The following PTCHD4 variants were observed in gnomAD, a reference collection of about 807,000 sequenced individuals.
The protein encoded by PTCHD4 is patched domain-containing protein 4.
Under a neutral mutation model 58.1 loss-of-function variants are expected in PTCHD4, and 33 were observed. That is an observed-to-expected ratio of 0.57 (90% CI 0.43 to 0.76). The LOEUF is 0.76. Among genes scored for constraint, PTCHD4 ranks in the 30% least tolerant of loss-of-function variants. The pLI, the probability that PTCHD4 is intolerant of heterozygous loss-of-function variation, is 0.00. For missense variants in PTCHD4, 1,058 were observed against 1,027.1 expected, an observed-to-expected ratio of 1.03 and a Z score of -0.41; for synonymous variants, 478 against 409.6, an observed-to-expected ratio of 1.17 and a Z score of -2.02.
chr6:47,869,627 G>A lies in PTCHD4; in HGVS notation c.*8676C>T, dbSNP rs1352956310. ...TCTCTCAGGAATGCCAAGACATTTT[G>A]TATTTGCTTCAGAATGCTTTATCTT... On this transcript the variant is annotated 3_prime_UTR_variant, in exon 5 of 5. Transcript: ENST00000339488. 1.3e-5 allele frequency among the ~76,000 whole-genome samples: 2 copies of A among 151,544 alleles called. No homozygotes were observed. Among genetic ancestry groups the A allele is most frequent in the African/African-American group, 2.4e-5 (1 of 41,326 alleles).
At chr6:48,015,502 C>T (rs1307478685) in intron 3 of PTCHD4, among the ~76,000 whole-genome samples, 1 of 151,858 alleles carries the variant, frequency 6.6e-6, no homozygotes, top group Non-Finnish European at 1.5e-5. Flanking sequence ...TCTTCCTATT[C>T]CTTGAAGAAA....
rs763217561 is a variant in PTCHD4, at chr6:47,878,302, C to T, written c.*1G>A. ...AAAAATAATCCACTGGTCTATACCC[C>T]TCATACTGTGGTGACGTGATCCGGG... On this transcript the variant is annotated 3_prime_UTR_variant, in exon 5 of 5. Coordinates refer to ENST00000339488, the MANE Select transcript of PTCHD4 (RefSeq NM_001384253.1). The T allele has an allele frequency of 3.8e-6, 6 of 1,583,288 alleles. No individual in the cohort carries two copies. Among genetic ancestry groups the T allele is most frequent in the African/African-American group, 1.4e-5 (1 of 73,750 alleles).
In PTCHD4 at chr6:47,859,500, G is replaced by A. The variant is rs1226721569; in HGVS notation, c.*18803C>T. ...TAATATATTTGCAACTGAAACACTTGAAGCTTTCAAGGTCTACCTGAACTA... is the reference window on the plus strand; with the variant it reads ...TAATATATTTGCAACTGAAACACTTAAAGCTTTCAAGGTCTACCTGAACTA... On this transcript the variant is annotated 3_prime_UTR_variant, in exon 5 of 5. Transcript: ENST00000339488. Among the ~76,000 whole-genome samples the A allele has an allele frequency of 6.6e-6, 1 of 151,794 alleles. No homozygotes were observed. Among genetic ancestry groups the A allele is most frequent in the Non-Finnish European group, 1.5e-5 (1 of 67,932 alleles).
At chr6:48,063,078 T>A (rs1387854873) in intron 3 of PTCHD4, among the ~76,000 whole-genome samples, 1 of 151,872 alleles carries the variant, frequency 6.6e-6, no homozygotes, top group Non-Finnish European at 1.5e-5. Context: ...TCCCATAAAT[T>A]TTTTTTTTCA....
intron 1 of PTCHD4, among the ~76,000 whole-genome samples, chr6:48,090,633 G>T (rs1211390756): frequency 6.6e-6 from 1 of 152,156 alleles, no homozygotes; most frequent in African/African-American, 2.4e-5. Context: ...GAAAACCAGG[G>T]TATAAAGGGC....
intron 3 of PTCHD4, among the ~76,000 whole-genome samples, chr6:48,026,459 C>A (rs1011784452): frequency 1.3e-5 from 2 of 152,070 alleles, no homozygotes; most frequent in African/African-American, 2.4e-5. Flanking sequence ...GAGAGTCATT[C>A]TTCTATGTCC....
Position 47,877,572 on chromosome 6 carries a change from C to G in PTCHD4, c.*731G>C, listed in dbSNP as rs985559141. On this transcript the variant is annotated 3_prime_UTR_variant, in exon 5 of 5. Coordinates refer to ENST00000339488, the MANE Select transcript of PTCHD4 (RefSeq NM_001384253.1). ...TATGCATAATCTAATGAACTCACAT[C>G]TCTGTTTATTTTGCTCATCCCACAG... Among the ~76,000 whole-genome samples, 1 of 151,992 alleles carries G rather than the reference C, an allele frequency of 6.6e-6. No individual in the cohort carries two copies. Among genetic ancestry groups the G allele is most frequent in the Non-Finnish European group, 1.5e-5 (1 of 67,950 alleles).
At chr6:47,930,557 T>C (rs531127443) in intron 4 of PTCHD4, among the ~76,000 whole-genome samples, 2 of 152,224 alleles carry the variant, frequency 1.3e-5, no homozygotes, top group African/African-American at 4.8e-5. Context: ...TTTAGGAGAT[T>C]TACTTTCCAG....
chr6:48,066,342 T>C (rs1764796493), intron 3 of PTCHD4, among the ~76,000 whole-genome samples: 1 of 152,120 alleles, frequency 6.6e-6, no homozygotes, highest in Non-Finnish European at 1.5e-5. Flanking sequence ...CAGTGGCTGA[T>C]TGAACAAAAA....
In PTCHD4 at chr6:47,864,380, G is replaced by C. The variant is rs1210209714; in HGVS notation, c.*13923C>G. The stretch of plus-strand genomic sequence containing the variant: ...ACTAGTTTGCTTTGCTAAAATCCTT[G>C]ATGGGTAGTGGCTGCCTCTCATTTC... On this transcript the variant is annotated 3_prime_UTR_variant, in exon 5 of 5. Coordinates refer to ENST00000339488, the MANE Select transcript of PTCHD4 (RefSeq NM_001384253.1). 6.6e-6 allele frequency among the ~76,000 whole-genome samples: 1 copy of C among 151,760 alleles called. No homozygotes were observed. Among genetic ancestry groups the C allele is most frequent in the Non-Finnish European group, 1.5e-5 (1 of 67,868 alleles).
Position 48,069,233 on chromosome 6 carries a change from C to T in PTCHD4, c.-276G>A, listed in dbSNP as rs1764923796. Among the ~76,000 whole-genome samples, 1 of 149,986 alleles carries T rather than the reference C, an allele frequency of 6.7e-6. No homozygotes were observed. The highest frequency in any genetic ancestry group is 6.7e-5 in the Admixed American group (1 of 15,010). On this transcript the variant is annotated 5_prime_UTR_variant, in exon 2 of 5. Coordinates refer to ENST00000339488, the MANE Select transcript of PTCHD4 (RefSeq NM_001384253.1). ...TAAGCTTTTTTCTTTTTTTAAGATGCTGACAGTTATTTTTAGAGTTTTGTG... is the reference window on the plus strand; with the variant it reads ...TAAGCTTTTTTCTTTTTTTAAGATGTTGACAGTTATTTTTAGAGTTTTGTG...
chr6:48,095,850 G>A (rs182442064), intron 1 of PTCHD4, among the ~76,000 whole-genome samples: 16 of 152,098 alleles, frequency 1.1e-4, no homozygotes, highest in Admixed American at 7.2e-4. Flanking sequence ...GCTCTCTGAT[G>A]TCAGCTAGGG....
chr6:47,860,603 T>C lies in PTCHD4; in HGVS notation c.*17700A>G, dbSNP rs563995696. Among the ~76,000 whole-genome samples, 373 of 152,138 alleles carry C rather than the reference T, an allele frequency of 2.5e-3. 1 individual carries two copies. The highest frequency in any genetic ancestry group is 3.6e-3 in the Non-Finnish European group (245 of 67,952). On this transcript the variant is annotated 3_prime_UTR_variant, in exon 5 of 5. Transcript: ENST00000339488. ...TTTACATTAGCACTACTGCCCATTCTTCACAATGTCTATCTTCCTTTATGA... is the reference window on the plus strand; with the variant it reads ...TTTACATTAGCACTACTGCCCATTCCTCACAATGTCTATCTTCCTTTATGA...
At chr6:48,074,984 T>C (rs1008708207) in intron 1 of PTCHD4, among the ~76,000 whole-genome samples, 1 of 152,100 alleles carries the variant, frequency 6.6e-6, no homozygotes, top group African/African-American at 2.4e-5. Flanking sequence ...TTTATTTAAA[T>C]TATCTTTATT....
intron 4 of PTCHD4, among the ~76,000 whole-genome samples, chr6:47,991,348 A>G (rs186941586): frequency 6.6e-6 from 1 of 152,286 alleles, no homozygotes; most frequent in Admixed American, 6.5e-5. Flanking sequence ...CAATATAATA[A>G]AGGAATTTTG....
intron 3 of PTCHD4, among the ~76,000 whole-genome samples, chr6:48,026,492 T>C (rs1763250574): frequency 6.6e-6 from 1 of 152,084 alleles, no homozygotes; most frequent in South Asian, 2.1e-4. Flanking sequence ...TCAACTTCTC[T>C]CCTCACCCTT....
chr6:47,955,085 G>A (rs1766803162), intron 4 of PTCHD4, among the ~76,000 whole-genome samples: 1 of 152,184 alleles, frequency 6.6e-6, no homozygotes, highest in African/African-American at 2.4e-5. Flanking sequence ...TGGAGCAGAG[G>A]TGAGTTATCT....
chr6:48,098,589 T>C (rs1765527482), intron 1 of PTCHD4, among the ~76,000 whole-genome samples: 1 of 152,208 alleles, frequency 6.6e-6, no homozygotes, highest in Non-Finnish European at 1.5e-5. Flanking sequence ...TCCACTCACC[T>C]GAGCCTCCCA....
At chr6:48,090,334 C>T (rs1765339825) in intron 1 of PTCHD4, among the ~76,000 whole-genome samples, 1 of 152,166 alleles carries the variant, frequency 6.6e-6, no homozygotes, top group African/African-American at 2.4e-5. Context: ...GAGGGAACGT[C>T]ATTCTCAGGG....
Sources: allele counts gnomAD v4.1 joint callset (sites outside exome capture counted in the v4.1 genomes callset), GRCh38; gene constraint gnomAD v4.1.1; transcripts MANE v1.5; gene names NCBI Gene and HGNC (gene_info 2026-07-23, HGNC 2026-07-21).